Variants in EXOC1 observed in about 807,000 individuals in gnomAD.
EXOC1 encodes SEC3-like 1.
Under a neutral mutation model 107.7 loss-of-function variants are expected in EXOC1, and 67 were observed. The ratio of observed to expected loss-of-function variants is 0.62; its 90% CI spans 0.51 to 0.76. The LOEUF (loss-of-function observed/expected upper bound fraction) is 0.76, where lower values mean the gene tolerates loss of function less well. Among genes scored for constraint, EXOC1 ranks in the 30% least tolerant of loss-of-function variants. The pLI is 0.00. For synonymous variants in EXOC1, 348 were observed against 353.5 expected (o/e 0.98, Z 0.17); for missense variants, 833 against 1,055.7 (o/e 0.79, Z 2.92).
intron 5 of EXOC1, among the ~76,000 whole-genome samples, chr4:55,870,215 AACT>A (rs1263771076): frequency 1.4e-4 from 21 of 152,256 alleles, no homozygotes; most frequent in African/African-American, 4.3e-4. Flanking sequence ...CTGCTTTCTC[AACT>A]AAGATATCAC....
At chr4:55,869,888 AT>A (rs374344786) in intron 5 of EXOC1, among the ~76,000 whole-genome samples, 1 of 152,170 alleles carries the variant, frequency 6.6e-6, no homozygotes, top group East Asian at 1.9e-4. Flanking sequence ...AGTGATTTAT[AT>A]TTTTTGTTCT....
chr4:55,894,614 C>CTT (rs772700227), intron 15 of EXOC1, among the ~76,000 whole-genome samples: 26,887 of 76,096 alleles, frequency 0.35, 6,102 homozygotes, highest in South Asian at 0.44. Context: ...CTATCTGTTA[C>CTT]TTTTTTTTTT....
intron 17 of EXOC1, chr4:55,900,659 AG>A (rs1343644194): frequency 6.6e-6 from 1 of 152,174 alleles, no homozygotes; most frequent in Non-Finnish European, 1.5e-5. Flanking sequence ...GCGGATCACG[AG>A]GTCAGAAGAT....
At position 55,892,673 on chromosome 4, in the gene EXOC1, G is replaced by A; in HGVS notation, c.1686G>A (p.Arg562=). 1 of 1,614,084 alleles carries A rather than the reference G, an allele frequency of 6.2e-7. No individual in the cohort carries two copies. Residue 562 remains arginine (R), a synonymous_variant, in exon 14 of 19, where the codon CGG becomes CGA. Coordinates refer to ENST00000381295, the MANE Select transcript of EXOC1 (RefSeq NM_001024924.2). ...AEDLDGGTLS[R]QHNCGTPLPV... ...ACCTGGATGGAGGAACATTATCACG[G>A]CAACATAATTGTGGCACACCACTGC...
At chr4:55,891,638 A>G (rs1233983461) in intron 13 of EXOC1, among the ~76,000 whole-genome samples, 1 of 152,198 alleles carries the variant, frequency 6.6e-6, no homozygotes, top group African/African-American at 2.4e-5. Flanking sequence ...CTAATTTAAT[A>G]TTTCAGAATA....
At chr4:55,884,066 G>C in intron 10 of EXOC1, 138 bp downstream of exon 10, 2 of 614,114 alleles carry the variant, frequency 3.3e-6, no homozygotes, top group South Asian at 4.4e-5. Context: ...ACGTTGGCTT[G>C]ATTTATAGCC....
At chr4:55,885,705 G>A (rs1723810981) in intron 10 of EXOC1, 1 of 152,104 alleles carries the variant, frequency 6.6e-6, no homozygotes, top group Non-Finnish European at 1.5e-5. Flanking sequence ...TAAAACAAAT[G>A]AAAATTACAG....
chr4:55,888,778 G>A, intron 10 of EXOC1, 110 bp from the exon 11 acceptor site: 1 of 1,049,896 alleles, frequency 9.5e-7, no homozygotes, highest in East Asian at 2.5e-5. Context: ...ATGGTTCTTT[G>A]CATGTGTCTT....
At chr4:55,862,664 T>C (rs1036103634) in intron 3 of EXOC1, among the ~76,000 whole-genome samples, 2 of 152,246 alleles carry the variant, frequency 1.3e-5, no homozygotes, top group Non-Finnish European at 2.9e-5. Context: ...TCCATGCTGC[T>C]GTAATATGAT....
intron 1 of EXOC1, among the ~76,000 whole-genome samples, chr4:55,857,429 A>G (rs573784127): frequency 8.2e-4 from 125 of 151,688 alleles, no homozygotes; most frequent in African/African-American, 2.9e-3. Context: ...CGGCCTCCCA[A>G]AGAGCTGGGA....
chr4:55,891,086 CTG>C (rs545226089), intron 12 of EXOC1, among the ~76,000 whole-genome samples: 76 of 152,238 alleles, frequency 5.0e-4, no homozygotes, highest in Middle Eastern at 3.4e-3. Flanking sequence ...AAGTGAATAA[CTG>C]TGAGTTTTAT....
At position 55,868,507 on chromosome 4, in the gene EXOC1, T is replaced by G; in HGVS notation, c.587T>G (p.Leu196Arg). Residue 196 changes from leucine (L) to arginine (R), a missense_variant, in exon 5 of 19, where the codon CTG (leucine) becomes CGG (arginine). Around this residue, in one of 2 missense-constraint regions of EXOC1, gnomAD observed 617 missense variants for 701.3 expected, o/e 0.88. Coordinates refer to ENST00000381295, the MANE Select transcript of EXOC1 (RefSeq NM_001024924.2). ...TTTGCAGAAAAATTGTCCAGAGAGC[T>G]GCAGGTGCTAGATGGGGTAAGACTT... ...EAFAEKLSRE[L>R]QVLDGANIQS... The G allele has an allele frequency of 6.2e-7, 1 of 1,613,664 alleles. No individual in the cohort carries two copies. Among genetic ancestry groups the G allele is most frequent in the South Asian group, 1.1e-5 (1 of 91,058 alleles).
Position 55,890,350 on chromosome 4 carries a change from T to G in EXOC1, c.1503T>G (p.Ser501=), listed in dbSNP as rs1413642951. 2 of 1,614,074 alleles carry G rather than the reference T, an allele frequency of 1.2e-6. No individual in the cohort carries two copies. ...SLLDMGNMSA[S]DLDVADRTKF... ...TGGATATGGGAAACATGTCTGCCTC[T>G]GATCTCGATGTTGCTGACAGGACCA... The change falls in exon 12 of 19, where the codon TCT becomes TCG. Residue 501 remains serine, a synonymous_variant. Transcript: ENST00000381295.
At chr4:55,893,847 TAAAATCGAGGG>T in intron 15 of EXOC1, 67 bp downstream of exon 15, 2 of 1,271,240 alleles carry the variant, frequency 1.6e-6, no homozygotes, top group Non-Finnish European at 1.1e-6. Flanking sequence ...TAAATGTATT[TAAAATCGAGGG>T]ATTTCCAGCT....
intron 5 of EXOC1, among the ~76,000 whole-genome samples, chr4:55,870,468 A>G (rs534699560): frequency 3.9e-5 from 6 of 152,360 alleles, no homozygotes; most frequent in Non-Finnish European, 5.9e-5. Context: ...ATTTAGAGGC[A>G]AGTGTACCTG....
intron 8 of EXOC1, chr4:55,877,056 C>G (rs1722967892): frequency 1.0e-6 from 1 of 980,392 alleles, no homozygotes; most frequent in African/African-American, 1.8e-5. Flanking sequence ...AAATTCATAA[C>G]CACTAGGTTA....
intron 17 of EXOC1, 108 bp from the exon 18 acceptor site, chr4:55,902,236 A>T: frequency 1.3e-6 from 1 of 760,780 alleles, no homozygotes; most frequent in Non-Finnish European, 1.9e-6. Flanking sequence ...ATACTTTCAC[A>T]CACTGATTTT....
At chr4:55,868,223 T>C in intron 4 of EXOC1, 113 bp from the exon 5 acceptor site, 1 of 729,040 alleles carries the variant, frequency 1.4e-6, no homozygotes. Flanking sequence ...TTCTATCCTC[T>C]TTTTCAGCTG....
At chr4:55,892,351 G>T (rs966499161) in intron 13 of EXOC1, among the ~76,000 whole-genome samples, 5 of 151,904 alleles carry the variant, frequency 3.3e-5, no homozygotes, top group African/African-American at 1.2e-4. Flanking sequence ...CCCACACCTT[G>T]CGTTCAGCTT....
Sources: gnomAD v4.1 joint callset for allele counts (sites outside exome capture counted in the v4.1 genomes callset) on GRCh38, gnomAD v4.1.1 for gene constraint, gnomAD v4.1.1 regional missense constraint, MANE v1.5 for transcripts, NCBI Gene and HGNC (gene_info 2026-07-23, HGNC 2026-07-21) for gene names.